Variants in NRG3 observed in about 807,000 individuals in gnomAD.
NRG3 encodes the protein pro-neuregulin-3, membrane-bound isoform.
NRG3 carries 31 observed loss-of-function variants against 66.9 expected under a neutral mutation model. The ratio of observed to expected loss-of-function variants is 0.46; its 90% confidence interval spans 0.35 to 0.63. NRG3 has a LOEUF of 0.63. NRG3 is among the 20% of genes least tolerant of loss of function. NRG3 has a pLI of 0.00. For synonymous variants in NRG3, 393 were observed against 359.4 expected (o/e 1.09, Z -1.06); for missense variants, 910 against 878.9 (o/e 1.04, Z -0.45).
chr10:82,501,144 G>T lies in NRG3; in HGVS notation c.953+142276G>T, dbSNP rs117096712. Among the ~76,000 whole-genome samples the T allele has an allele frequency of 4.3e-3, 653 of 152,196 alleles. 5 individuals carry two copies. The highest frequency in any genetic ancestry group is 7.8e-3 in the Non-Finnish European group (530 of 68,000). ...GCTGGTGAGAGGGATCCAAGCTGGA[G>T]GCAGATTTGGAAGAGATCAGGACAT... On this transcript the variant is annotated intron_variant, in intron 2 of 8. Transcript: ENST00000372141.
intron 3 of NRG3, among the ~76,000 whole-genome samples, chr10:82,762,512 T>G (rs920499298): frequency 6.6e-6 from 1 of 152,188 alleles, no homozygotes; most frequent in Admixed American, 6.5e-5. Context: ...CTGACAGTGA[T>G]AGCAATACAT....
At chr10:82,893,075 T>G (rs1843314472) in intron 4 of NRG3, among the ~76,000 whole-genome samples, 1 of 152,104 alleles carries the variant, frequency 6.6e-6, no homozygotes, top group African/African-American at 2.4e-5. Flanking sequence ...AATCAAAAAT[T>G]TAAAAGATTA....
chr10:82,248,219 A>G (rs2077332144), intron 1 of NRG3, among the ~76,000 whole-genome samples: 2 of 152,274 alleles, frequency 1.3e-5, no homozygotes, highest in Admixed American at 6.5e-5. Context: ...ACTTTTCAGT[A>G]CCATTTAACT....
chr10:82,750,031 T>A (rs890100716), intron 3 of NRG3, among the ~76,000 whole-genome samples: 1 of 152,178 alleles, frequency 6.6e-6, no homozygotes, highest in Non-Finnish European at 1.5e-5. Flanking sequence ...TCTGCAAAAT[T>A]CAGAGGAAAA....
chr10:81,877,308 T>A (rs1443949639), intron 1 of NRG3, among the ~76,000 whole-genome samples: 1 of 152,202 alleles, frequency 6.6e-6, no homozygotes, highest in Non-Finnish European at 1.5e-5. Context: ...GAACAGTTTG[T>A]GCAACCTGTG....
intron 1 of NRG3, among the ~76,000 whole-genome samples, chr10:81,887,798 G>A (rs1842730677): frequency 6.6e-6 from 1 of 152,112 alleles, no homozygotes; most frequent in South Asian, 2.1e-4. Context: ...ACAATTAGAA[G>A]TCAAGATGGT....
At chr10:82,098,236 G>A (rs1214457323) in intron 1 of NRG3, among the ~76,000 whole-genome samples, 1 of 150,892 alleles carries the variant, frequency 6.6e-6, no homozygotes, top group Non-Finnish European at 1.5e-5. Flanking sequence ...CAGACATATA[G>A]ATGTCATCTA....
intron 1 of NRG3, among the ~76,000 whole-genome samples, chr10:82,089,338 G>A (rs1409306927): frequency 2.0e-5 from 3 of 152,256 alleles, no homozygotes; most frequent in East Asian, 1.9e-4. Flanking sequence ...GTGGCAGCTT[G>A]TTTCACTTGA....
At chr10:82,675,285 A>C (rs2053602516) in intron 2 of NRG3, among the ~76,000 whole-genome samples, 1 of 151,628 alleles carries the variant, frequency 6.6e-6, no homozygotes. Flanking sequence ...TGTTTGGGGG[A>C]AGTGATGGGA....
At chr10:82,724,324 C>A (rs2057473812) in intron 2 of NRG3, among the ~76,000 whole-genome samples, 1 of 151,902 alleles carries the variant, frequency 6.6e-6, no homozygotes, top group South Asian at 2.1e-4. Flanking sequence ...TTCCTTGTTG[C>A]TGATGAATGT....
At chr10:82,608,695 G>A (rs2929141) in intron 2 of NRG3, among the ~76,000 whole-genome samples, 12,710 of 152,126 alleles carry the variant, frequency 0.084, 611 homozygotes, top group East Asian at 0.15. Context: ...AAAGAAGGCT[G>A]GAGGGAGCTG....
intron 1 of NRG3, among the ~76,000 whole-genome samples, chr10:82,006,446 G>T (rs1365546428): frequency 2.0e-5 from 3 of 151,812 alleles, no homozygotes; most frequent in African/African-American, 4.8e-5. Context: ...CTTATAAAAG[G>T]TTTCAGTATT....
intron 3 of NRG3, among the ~76,000 whole-genome samples, chr10:82,797,139 G>T (rs1295792093): frequency 6.6e-6 from 1 of 152,120 alleles, no homozygotes; most frequent in Non-Finnish European, 1.5e-5. Context: ...GTTCGACACT[G>T]TTGTTCTGAA....
chr10:82,723,220 G>A (rs533197165), intron 2 of NRG3, among the ~76,000 whole-genome samples: 15 of 152,228 alleles, frequency 9.9e-5, no homozygotes, highest in African/African-American at 3.4e-4. Flanking sequence ...TATAAAAACA[G>A]AAAAACAAAT....
intron 1 of NRG3, among the ~76,000 whole-genome samples, chr10:82,196,689 T>C (rs1226172823): frequency 6.6e-6 from 1 of 152,190 alleles, no homozygotes; most frequent in Non-Finnish European, 1.5e-5. Flanking sequence ...TAAAACAATA[T>C]CCACAATTCC....
chr10:82,899,678 A>G (rs1259613552), intron 4 of NRG3, among the ~76,000 whole-genome samples: 3 of 152,172 alleles, frequency 2.0e-5, no homozygotes, highest in Non-Finnish European at 2.9e-5. Flanking sequence ...TCTCAAAACT[A>G]GCCTCAGTCA....
At chr10:82,618,152 G>A (rs1034528447) in intron 2 of NRG3, among the ~76,000 whole-genome samples, 3 of 152,116 alleles carry the variant, frequency 2.0e-5, no homozygotes, top group Non-Finnish European at 2.9e-5. Flanking sequence ...GTTTTATTAC[G>A]AGACTGAAAT....
intron 4 of NRG3, among the ~76,000 whole-genome samples, chr10:82,948,961 G>T (rs1002367310): frequency 2.0e-5 from 3 of 152,096 alleles, no homozygotes; most frequent in African/African-American, 7.2e-5. Context: ...GAAGGTATGA[G>T]AGTGGATATT....
chr10:81,944,622 G>A (rs77475604), intron 1 of NRG3, among the ~76,000 whole-genome samples: 5,060 of 152,188 alleles, frequency 0.033, 106 homozygotes, highest in Non-Finnish European at 0.047. Context: ...GTAAACAAAA[G>A]GCAATGATAT....
Sources: gnomAD v4.1 joint callset for allele counts (sites outside exome capture counted in the v4.1 genomes callset) on GRCh38, gnomAD v4.1.1 for gene constraint, MANE v1.5 for transcripts, NCBI Gene and HGNC (gene_info 2026-07-23, HGNC 2026-07-21) for gene names.